Variants in SNX25 observed in about 807,000 individuals in gnomAD.
SNX25 encodes the protein sorting nexin-25.
Under a neutral mutation model 113.7 loss-of-function variants are expected in SNX25, and 62 were observed. The observed-to-expected ratio is 0.55, with a 90% CI of 0.44 to 0.67. The LOEUF (loss-of-function observed/expected upper bound fraction) is 0.67. Among genes scored for constraint, SNX25 ranks in the 30% least tolerant of loss-of-function variants. The pLI is 0.00. For synonymous variants in SNX25, 421 were observed against 436.2 expected, an observed-to-expected ratio of 0.97 and a Z score of 0.43; for missense variants, 1,014 against 1,161.0, an observed-to-expected ratio of 0.87 and a Z score of 1.84.
intron 1 of SNX25, among the ~76,000 whole-genome samples, chr4:185,242,634 C>T (rs1744241520): frequency 6.6e-6 from 1 of 152,150 alleles, no homozygotes; most frequent in Non-Finnish European, 1.5e-5. Context: ...CCTCCAGGAA[C>T]CTCACATGTT....
intron 6 of SNX25, among the ~76,000 whole-genome samples, chr4:185,295,455 T>TC (rs1377123708): frequency 6.6e-6 from 1 of 150,624 alleles, no homozygotes; most frequent in East Asian, 1.9e-4. Context: ...GTGAGTCTTT[T>TC]TTTTTTTTTT....
intron 4 of SNX25, among the ~76,000 whole-genome samples, chr4:185,265,314 C>T (rs1747905036): frequency 6.6e-6 from 1 of 152,202 alleles, no homozygotes; most frequent in Non-Finnish European, 1.5e-5. Flanking sequence ...TAGCCCACTA[C>T]ACATGTGGGC....
intron 7 of SNX25, among the ~76,000 whole-genome samples, chr4:185,313,414 G>T (rs865916945): frequency 6.6e-6 from 1 of 152,134 alleles, no homozygotes; most frequent in African/African-American, 2.4e-5. Context: ...GAGTGTACAT[G>T]AAGCGAAACC....
At chr4:185,256,913 T>G (rs796953696) in intron 2 of SNX25, among the ~76,000 whole-genome samples, 2 of 152,028 alleles carry the variant, frequency 1.3e-5, no homozygotes, top group Non-Finnish European at 2.9e-5. Context: ...AATGAGCCAC[T>G]GTGCCCAGCC....
intron 16 of SNX25, among the ~76,000 whole-genome samples, chr4:185,359,172 G>T (rs1423868524): frequency 6.6e-6 from 1 of 152,018 alleles, no homozygotes; most frequent in African/African-American, 2.4e-5. Flanking sequence ...GGGCAACATG[G>T]TGAGACCCTG....
At chr4:185,257,625 T>A (rs181551161) in intron 2 of SNX25, among the ~76,000 whole-genome samples, 506 of 152,350 alleles carry the variant, frequency 3.3e-3, no homozygotes, top group African/African-American at 0.011. Flanking sequence ...GAATTTTACC[T>A]GTTTCTTTTT....
At chr4:185,216,709 T>C (rs1738908883) in intron 1 of SNX25, among the ~76,000 whole-genome samples, 1 of 151,586 alleles carries the variant, frequency 6.6e-6, no homozygotes, top group Non-Finnish European at 1.5e-5. Flanking sequence ...TTAGTAGAGA[T>C]GGGGTTTCGC....
chr4:185,328,667 C>G (rs1004444100), intron 9 of SNX25, among the ~76,000 whole-genome samples: 5 of 152,086 alleles, frequency 3.3e-5, no homozygotes, highest in African/African-American at 1.2e-4. Flanking sequence ...TGTAGGAATT[C>G]CCTGTGATAA....
At chr4:185,216,729 C>T (rs572195551) in intron 1 of SNX25, among the ~76,000 whole-genome samples, 1 of 152,078 alleles carries the variant, frequency 6.6e-6, no homozygotes, top group Non-Finnish European at 1.5e-5. Flanking sequence ...CCATGTTAGC[C>T]AGGCTGATCT....
chr4:185,228,861 A>G (rs1034677595), intron 1 of SNX25, among the ~76,000 whole-genome samples: 5 of 152,164 alleles, frequency 3.3e-5, no homozygotes, highest in African/African-American at 1.2e-4. Flanking sequence ...TGAGAAAGCT[A>G]CTGTTATCCC....
At chr4:185,353,281 A>C in intron 14 of SNX25, 1 of 464,522 alleles carries the variant, frequency 2.2e-6, no homozygotes, top group African/African-American at 1.9e-5. Flanking sequence ...AAATTAGCTT[A>C]TTTTAAGCCT....
At chr4:185,267,247 A>T in intron 5 of SNX25, 92 bp downstream of exon 5, 4 of 1,242,882 alleles carry the variant, frequency 3.2e-6, no homozygotes, top group Non-Finnish European at 4.6e-6. Flanking sequence ...GTTGTCAGGG[A>T]AGCAGAAATA....
intron 6 of SNX25, among the ~76,000 whole-genome samples, chr4:185,304,623 C>T (rs1028787131): frequency 8.5e-5 from 13 of 152,148 alleles, no homozygotes; most frequent in African/African-American, 3.1e-4. Context: ...TCCCAAAGTG[C>T]TGGAATTACA....
chr4:185,247,418 A>G, intron 2 of SNX25, 40 bp downstream of exon 2: 1 of 1,319,626 alleles, frequency 7.6e-7, no homozygotes, highest in Non-Finnish European at 1.1e-6. Context: ...CATGTAAAGC[A>G]ATTCATTATG....
intron 9 of SNX25, 84 bp from the exon 10 acceptor site, chr4:185,332,510 AT>A: frequency 7.7e-7 from 1 of 1,296,622 alleles, no homozygotes; most frequent in Non-Finnish European, 1.0e-6. Flanking sequence ...GGAATGTAGT[AT>A]TTTGCAACAG....
chr4:185,222,039 T>C lies in SNX25; in HGVS notation c.429+11784T>C. On this transcript the variant is annotated intron_variant, in intron 1 of 18. Transcript: ENST00000652585. ...CCATATATCCCTCGTTCACTGTAGGTATACAGCACCATATACCCCTCCTTC... is the reference window on the plus strand; with the variant it reads ...CCATATATCCCTCGTTCACTGTAGGCATACAGCACCATATACCCCTCCTTC... Among the ~76,000 whole-genome samples, 2 of 25,258 alleles carry C rather than the reference T, an allele frequency of 7.9e-5. 1 individual carries two copies. Among genetic ancestry groups the C allele is most frequent in the Non-Finnish European group, 2.1e-4 (2 of 9,694 alleles). The allele number at this position is 25,258 out of a possible 152,430, so 16.6% of individuals were successfully genotyped here.
At chr4:185,239,437 C>G (rs1015099070) in intron 1 of SNX25, among the ~76,000 whole-genome samples, 2 of 151,504 alleles carry the variant, frequency 1.3e-5, no homozygotes, top group Non-Finnish European at 3.0e-5. Flanking sequence ...GAGCTGAGAT[C>G]GCACCGCTGC....
chr4:185,252,803 A>G (rs1745863272), intron 2 of SNX25, among the ~76,000 whole-genome samples: 1 of 152,240 alleles, frequency 6.6e-6, no homozygotes, highest in Non-Finnish European at 1.5e-5. Context: ...GAGCAAAATA[A>G]TATACTCCAG....
intron 2 of SNX25, among the ~76,000 whole-genome samples, chr4:185,251,832 C>T (rs1462685277): frequency 1.3e-5 from 2 of 151,762 alleles, no homozygotes; most frequent in Non-Finnish European, 2.9e-5. Context: ...AAAAAAAAGA[C>T]AGGATAAGGG....
Sources: allele counts gnomAD v4.1 joint callset (sites outside exome capture counted in the v4.1 genomes callset), GRCh38; gene constraint gnomAD v4.1.1; transcripts MANE v1.5; gene names NCBI Gene and HGNC (gene_info 2026-07-23, HGNC 2026-07-21).